Variants in PCMT1 observed in about 807,000 individuals in gnomAD.
PCMT1 encodes the protein protein-L-isoaspartate(D-aspartate) O-methyltransferase.
Under a neutral mutation model 29.2 loss-of-function variants are expected in PCMT1, and 9 were observed. The observed-to-expected ratio is 0.31, with a 90% CI of 0.19 to 0.54. PCMT1 has a LOEUF of 0.54. Among genes scored for constraint, PCMT1 ranks in the 20% least tolerant of loss-of-function variants. The pLI is 0.95. For synonymous variants in PCMT1, 98 were observed against 97.5 expected (o/e 1.00, Z -0.03); for missense variants, 184 against 282.2 (o/e 0.65, Z 2.49).
rs1788055627 is a variant in PCMT1, at chr6:149,786,208, G to T, written c.193-3746G>T. On this transcript the variant is annotated intron_variant, in intron 3 of 7. Transcript: ENST00000464889. ...CCAGACGGGGCGGCTGGCCGGGCGG[G>T]GGGGCTGACCCCCCCACCTCCCTCC... 2.3e-5 allele frequency among the ~76,000 whole-genome samples: 3 copies of T among 133,276 alleles called. 1 individual carries two copies. The South Asian group carries it at 7.2e-4, about 32-fold the overall frequency. 87.4% of individuals were successfully genotyped at this position (133,276 alleles called of 152,430 possible). A position where few individuals can be genotyped will look rare whatever the true frequency, so the allele number is the denominator to read the frequency against.
intron 3 of PCMT1, among the ~76,000 whole-genome samples, chr6:149,784,516 G>T (rs1018218813): frequency 6.6e-6 from 1 of 151,434 alleles, no homozygotes; most frequent in East Asian, 1.9e-4. Flanking sequence ...TGTGGCCCAG[G>T]CTGGAATGTA....
intron 1 of PCMT1, among the ~76,000 whole-genome samples, chr6:149,757,716 T>C (rs1217422344): frequency 9.2e-5 from 14 of 152,168 alleles, no homozygotes; most frequent in Admixed American, 9.2e-4. Context: ...TCACCAAATA[T>C]GTTGAAGCAA....
At chr6:149,756,880 C>G (rs909130656) in intron 1 of PCMT1, among the ~76,000 whole-genome samples, 1 of 151,724 alleles carries the variant, frequency 6.6e-6, no homozygotes, top group Non-Finnish European at 1.5e-5. Context: ...ATTGGCCGGG[C>G]GTGGTGGGTC....
chr6:149,796,022 T>A (rs1325857228), intron 5 of PCMT1: 1 of 175,182 alleles, frequency 5.7e-6, no homozygotes, highest in African/African-American at 2.4e-5. Flanking sequence ...TATTTACTAA[T>A]GCTTTCGTTC....
At chr6:149,774,569 G>A (rs189739010) in intron 3 of PCMT1, among the ~76,000 whole-genome samples, 85 of 121,100 alleles carry the variant, frequency 7.0e-4, no homozygotes, top group Admixed American at 2.4e-3. Flanking sequence ...ACGGAGTTTC[G>A]TTCTTGTGCC....
intron 1 of PCMT1, among the ~76,000 whole-genome samples, chr6:149,752,036 G>GT (rs60405304): frequency 0.045 from 5,520 of 122,774 alleles, 397 homozygotes; most frequent in African/African-American, 0.14. Flanking sequence ...AATTTTTAGG[G>GT]TTTTTTTTTT....
chr6:149,760,649 C>T (rs1443209382), intron 1 of PCMT1, among the ~76,000 whole-genome samples: 9 of 152,024 alleles, frequency 5.9e-5, no homozygotes, highest in Non-Finnish European at 8.8e-5. Context: ...GTCAGGAGAT[C>T]GAGACCATCT....
At position 149,749,744 on chromosome 6, in the gene PCMT1, G is replaced by A. The variant is rs948082385; in HGVS notation, c.-158G>A. ...CCGCGGGGGATGCCGGGAGCGCGCA[G>A]TGGCGGCAGCGGCGGCGACGGCAGT... On this transcript the variant is annotated 5_prime_UTR_variant, in exon 1 of 8. The change creates a new upstream start codon in the 5' untranslated region. Transcript: ENST00000464889. 1.3e-6 allele frequency: 2 copies of A among 1,546,286 alleles called. No individual in the cohort carries two copies. The highest frequency in any genetic ancestry group is 1.7e-6 in the Non-Finnish European group (2 of 1,144,888).
At chr6:149,786,803 C>T (rs925710256) in intron 3 of PCMT1, among the ~76,000 whole-genome samples, 13 of 148,632 alleles carry the variant, frequency 8.7e-5, no homozygotes, top group East Asian at 4.0e-4. Flanking sequence ...GGATGGTGGC[C>T]GGAAAGAGGC....
chr6:149,795,024 C>T (rs1161573062), intron 5 of PCMT1: 1 of 357,390 alleles, frequency 2.8e-6, no homozygotes, highest in Non-Finnish European at 5.5e-6. Flanking sequence ...GAAACCCCGT[C>T]TCTACTAAAA....
chr6:149,762,385 C>T (rs1029683331), intron 1 of PCMT1, among the ~76,000 whole-genome samples: 10 of 151,350 alleles, frequency 6.6e-5, no homozygotes, highest in South Asian at 4.2e-4. Context: ...TTCTCTATTT[C>T]AGAAAAGCCT....
At chr6:149,796,620 G>T in intron 6 of PCMT1, 120 bp downstream of exon 6, 1 of 649,916 alleles carries the variant, frequency 1.5e-6, no homozygotes, top group Non-Finnish European at 2.6e-6. Context: ...CATACATTTT[G>T]GTTACATTTA....
At chr6:149,762,216 C>T (rs765322478) in intron 1 of PCMT1, among the ~76,000 whole-genome samples, 1 of 151,662 alleles carries the variant, frequency 6.6e-6, no homozygotes, top group Non-Finnish European at 1.5e-5. Context: ...TATTATTTGG[C>T]TGATAGCTTG....
chr6:149,778,143 C>T (rs1390342478), intron 3 of PCMT1, among the ~76,000 whole-genome samples: 1 of 151,806 alleles, frequency 6.6e-6, no homozygotes, highest in Non-Finnish European at 1.5e-5. Flanking sequence ...TCCCAAAGTG[C>T]TGGGATTACA....
chr6:149,759,746 C>T (rs11155680), intron 1 of PCMT1, among the ~76,000 whole-genome samples: 66,463 of 151,900 alleles, frequency 0.44, 15,576 homozygotes, highest in East Asian at 0.82. Flanking sequence ...CCACCCACCT[C>T]GGCCTCCCAA....
At chr6:149,786,683 C>T (rs1400771986) in intron 3 of PCMT1, among the ~76,000 whole-genome samples, 3 of 150,854 alleles carry the variant, frequency 2.0e-5, no homozygotes, top group Non-Finnish European at 3.0e-5. Flanking sequence ...GACGGGGTCG[C>T]GGCCGGGCAG....
intron 3 of PCMT1, among the ~76,000 whole-genome samples, chr6:149,779,633 T>C (rs921684920): frequency 1.3e-5 from 2 of 151,274 alleles, no homozygotes; most frequent in African/African-American, 4.9e-5. Flanking sequence ...AACATGGCAA[T>C]ATCCCGTCTC....
chr6:149,790,419 C>T (rs1264674773), intron 4 of PCMT1, among the ~76,000 whole-genome samples: 2 of 152,168 alleles, frequency 1.3e-5, no homozygotes, highest in Non-Finnish European at 1.5e-5. Flanking sequence ...GTAAGCTCTA[C>T]CCTTGTAATC....
chr6:149,755,392 A>C (rs1583000713), intron 1 of PCMT1, among the ~76,000 whole-genome samples: 1 of 151,732 alleles, frequency 6.6e-6, no homozygotes, highest in Non-Finnish European at 1.5e-5. Flanking sequence ...ATGCCACTGC[A>C]CTCGAGCCTG....
Sources: gnomAD v4.1 joint callset for allele counts (sites outside exome capture counted in the v4.1 genomes callset) on GRCh38, gnomAD v4.1.1 for gene constraint, MANE v1.5 for transcripts, NCBI Gene and HGNC (gene_info 2026-07-23, HGNC 2026-07-21) for gene names.